The following TRIM14 variants were observed in gnomAD, a reference collection of about 807,000 sequenced individuals.
TRIM14 encodes the protein tripartite motif-containing protein 14.
In TRIM14, 28 loss-of-function variants were observed where a neutral mutation model predicts 44.5. That is an observed-to-expected ratio of 0.63 (90% CI 0.47 to 0.86). The LOEUF is 0.86. TRIM14 is among the 40% of genes least tolerant of loss of function. The pLI, the probability that TRIM14 is intolerant of heterozygous loss-of-function variation, is 0.00. For missense variants in TRIM14, 607 were observed against 611.1 expected (o/e 0.99, Z 0.07); for synonymous variants, 299 against 269.2 (o/e 1.11, Z -1.08).
At chr9:98,078,167 G>C (rs1342040193) in intron 6 of TRIM14, 16 of 1,613,986 alleles carry the variant, frequency 9.9e-6, no homozygotes, top group Non-Finnish European at 1.3e-5. Context: ...AGAAAGTGCT[G>C]ATGGTGTTGG....
chr9:98,044,271 C>T, the TRIM14 span, among the ~76,000 whole-genome samples: 9 of 151,742 alleles, frequency 5.9e-5, no homozygotes, highest in Admixed American at 2.6e-4. Flanking sequence ...CCTGTAGGGC[C>T]GTTGCACGTC....
the TRIM14 span, among the ~76,000 whole-genome samples, chr9:98,045,160 T>C: frequency 6.6e-6 from 1 of 152,022 alleles, no homozygotes; most frequent in South Asian, 2.1e-4. Context: ...GTAGGATCCT[T>C]AAACAACAGC....
chr9:98,078,679 A>G (rs1189450406), intron 6 of TRIM14, among the ~76,000 whole-genome samples: 2 of 151,886 alleles, frequency 1.3e-5, no homozygotes, highest in African/African-American at 2.4e-5. Context: ...TATTAAAAAT[A>G]TAAAAATTAG....
the TRIM14 span, among the ~76,000 whole-genome samples, chr9:98,039,100 A>G: frequency 6.6e-6 from 1 of 151,950 alleles, no homozygotes; most frequent in Non-Finnish European, 1.5e-5. Context: ...CCTCTAGAGT[A>G]GCACACCCGT....
chr9:98,093,531 C>T (rs1053540114), intron 4 of TRIM14, among the ~76,000 whole-genome samples: 12 of 152,198 alleles, frequency 7.9e-5, no homozygotes, highest in South Asian at 2.1e-4. Flanking sequence ...AAGTGGTAGA[C>T]CTCGGATAGG....
intron 1 of TRIM14, among the ~76,000 whole-genome samples, chr9:98,115,733 A>G (rs1827027281): frequency 6.6e-6 from 1 of 152,216 alleles, no homozygotes; most frequent in Non-Finnish European, 1.5e-5. Context: ...GCATAAGTTC[A>G]ATAAGAGTAT....
At chr9:98,089,378 T>G (rs12348197) in intron 5 of TRIM14, among the ~76,000 whole-genome samples, 34,708 of 152,054 alleles carry the variant, frequency 0.23, 4,220 homozygotes, top group Admixed American at 0.28. Flanking sequence ...GGTTTCATCA[T>G]GTTGGCCAGG....
At chr9:98,112,686 C>T (rs184315935) in intron 1 of TRIM14, among the ~76,000 whole-genome samples, 54 of 150,536 alleles carry the variant, frequency 3.6e-4, no homozygotes, top group African/African-American at 1.3e-3. Context: ...GTAATCACAG[C>T]TACTCAGGAG....
At chr9:98,049,730 C>T in the TRIM14 span, among the ~76,000 whole-genome samples, 4 of 152,236 alleles carry the variant, frequency 2.6e-5, no homozygotes, top group East Asian at 7.7e-4. Context: ...GCCTTTGTGA[C>T]ATGTACCCTG....
chr9:98,084,126 G>C (rs528203569), downstream of TRIM14, among the ~76,000 whole-genome samples: 1 of 151,804 alleles, frequency 6.6e-6, no homozygotes, highest in African/African-American at 2.4e-5. Flanking sequence ...TGGGGAGGAA[G>C]CGGAAGATTC....
At chr9:98,045,330 C>T in the TRIM14 span, among the ~76,000 whole-genome samples, 443 of 152,292 alleles carry the variant, frequency 2.9e-3, 3 homozygotes, top group African/African-American at 0.01. Context: ...TCAAGTTTAG[C>T]CTAAAGCTGC....
chr9:98,115,597 TGATC>T (rs2118702913), intron 1 of TRIM14, among the ~76,000 whole-genome samples: 1 of 152,092 alleles, frequency 6.6e-6, no homozygotes, highest in Non-Finnish European at 1.5e-5. Flanking sequence ...TTGGCCAGGC[TGATC>T]TCCAACTCCT....
intron 2 of TRIM14, among the ~76,000 whole-genome samples, chr9:98,100,964 TTTTATTTA>T (rs549205998): frequency 8.6e-5 from 13 of 151,946 alleles, no homozygotes; most frequent in Middle Eastern, 6.8e-3. Flanking sequence ...ACAAAACAAT[TTTTATTTA>T]TTTATTTATT....
chr9:98,104,606 C>T (rs1441306214), intron 2 of TRIM14, among the ~76,000 whole-genome samples: 1 of 152,156 alleles, frequency 6.6e-6, no homozygotes, highest in Non-Finnish European at 1.5e-5. Context: ...AGTACGCCAT[C>T]TGGTTTGGGT....
At chr9:98,100,732 T>C (rs1190732204) in intron 2 of TRIM14, among the ~76,000 whole-genome samples, 1 of 152,130 alleles carries the variant, frequency 6.6e-6, no homozygotes, top group East Asian at 1.9e-4. Flanking sequence ...TTAAAAGAAC[T>C]CAAATTATAT....
rs1291794147 is a variant in TRIM14, at chr9:98,076,975, G to A, written c.*29-7288C>T. 1.9e-6 allele frequency: 3 copies of A among 1,611,392 alleles called. No individual in the cohort carries two copies. The African/African-American group carries it at 4.0e-5, about 22-fold the overall frequency. ...TCCATTTTTCAAAGTTGGATCTGGAGACACTAATAATTTTCCTTATCTGGA... is the reference window on the plus strand; with the variant it reads ...TCCATTTTTCAAAGTTGGATCTGGAAACACTAATAATTTTCCTTATCTGGA... On this transcript the variant is annotated intron_variant, in intron 6 of 6. Transcript: ENST00000375098.
At chr9:98,117,181 G>A (rs1827083484) in intron 1 of TRIM14, among the ~76,000 whole-genome samples, 1 of 152,048 alleles carries the variant, frequency 6.6e-6, no homozygotes, top group African/African-American at 2.4e-5. Flanking sequence ...GCCAATTCCT[G>A]GCTTTTAAAG....
chr9:98,059,325 C>A, the TRIM14 span, among the ~76,000 whole-genome samples: 1 of 152,114 alleles, frequency 6.6e-6, no homozygotes, highest in Non-Finnish European at 1.5e-5. Flanking sequence ...GCCCGGCAGC[C>A]AAGAAGTTTT....
rs943075444 is a variant in TRIM14 at position 98,099,854 on chromosome 9, T to A, written c.537+77A>T. 2.3e-6 allele frequency: 3 copies of A among 1,319,888 alleles called. No individual in the cohort carries two copies. In the Middle Eastern group the frequency reaches 7.8e-4, roughly 342 times the overall value. The allele number at this position is 1,319,888 out of a possible 1,614,324, so 81.8% of individuals were successfully genotyped here. ...ATGTACTTGCTTAGTGTGTCAATAC[T>A]GTGCTCAATGCCACAATACTTGAGA... On this transcript the variant is annotated intron_variant, in intron 3 of 5. Transcript: ENST00000341469.
Sources: allele counts gnomAD v4.1 joint callset (sites outside exome capture counted in the v4.1 genomes callset), GRCh38; gene constraint gnomAD v4.1.1; transcripts MANE v1.5; gene names NCBI Gene and HGNC (gene_info 2026-07-23, HGNC 2026-07-21).